The following NME7 variants were observed in gnomAD, a reference collection of about 807,000 sequenced individuals.
NME7 encodes the protein NME/NM23 family member 7, also known as nucleoside diphosphate kinase 7.
In NME7, 41 loss-of-function variants were observed where a neutral mutation model predicts 49.1. The ratio of observed to expected loss-of-function variants is 0.83; its 90% confidence interval spans 0.65 to 1.08. The LOEUF (loss-of-function observed/expected upper bound fraction) is 1.08. Ranked by LOEUF, NME7 falls within the 50% of genes least tolerant of loss-of-function variation. The pLI, the probability that NME7 is intolerant of heterozygous loss-of-function variation, is 0.00. For synonymous variants in NME7, 139 were observed against 150.6 expected, an observed-to-expected ratio of 0.92 and a Z score of 0.56; for missense variants, 423 against 463.4, an observed-to-expected ratio of 0.91 and a Z score of 0.80.
chr1:169,327,572 C>G (rs868104192), intron 1 of NME7, among the ~76,000 whole-genome samples: 2 of 152,108 alleles, frequency 1.3e-5, no homozygotes, highest in Admixed American at 1.3e-4. Context: ...ACAGAGAGAA[C>G]TTTCCTAGAG....
At chr1:169,347,169 C>T (rs1440893434) in intron 1 of NME7, among the ~76,000 whole-genome samples, 1 of 152,152 alleles carries the variant, frequency 6.6e-6, no homozygotes. Flanking sequence ...CCCTGCGCTC[C>T]AGCCTGACCG....
At position 169,259,499 on chromosome 1, in the gene NME7, A is replaced by G. The variant is rs1484555839; in HGVS notation, c.755-21812T>C. On this transcript the variant is annotated intron_variant, in intron 7 of 11. Transcript: ENST00000367811. ...GGAAGGAAGAAAATGCAACAATGTA[A>G]ACAGTTAGAATCTCTGGATGGTAGG... 3.0e-5 allele frequency among the ~76,000 whole-genome samples: 4 copies of G among 133,858 alleles called. 1 individual carries two copies. Among genetic ancestry groups the G allele is most frequent in the Non-Finnish European group, 7.0e-5 (4 of 56,968 alleles). The allele number at this position is 133,858 out of a possible 152,430, so 87.8% of individuals were successfully genotyped here.
At chr1:169,199,582 T>C (rs1660490603) in intron 10 of NME7, among the ~76,000 whole-genome samples, 1 of 151,484 alleles carries the variant, frequency 6.6e-6, no homozygotes, top group South Asian at 2.1e-4. Flanking sequence ...GCCTCCCAAG[T>C]AGCTGAGTCT....
chr1:169,235,161 T>G lies in NME7; in HGVS notation c.858A>C (p.Glu286Asp), dbSNP rs1647806976. ...ATTCGGTCACTACTCCTTTATAAAC[T>G]TCATAGAATTCCTCAACATTAACCC... ...MDRVNVEEFYEVYKGVVTEYH... is the reference protein window; with the variant it reads ...MDRVNVEEFYDVYKGVVTEYH... The change falls in exon 9 of 12, where the codon GAA becomes GAC. Residue 286 changes from glutamate (E) to aspartate (D), a missense_variant. Glu to Asp is a conservative substitution (Grantham distance 45, BLOSUM62 2). Coordinates refer to ENST00000367811, the MANE Select transcript of NME7 (RefSeq NM_013330.5). 2 of 1,549,128 alleles carry G rather than the reference T, an allele frequency of 1.3e-6. No homozygotes were observed. Among genetic ancestry groups the G allele is most frequent in the Admixed American group, 3.5e-5 (2 of 56,970 alleles).
At chr1:169,311,344 G>A (rs368985690) in intron 3 of NME7, among the ~76,000 whole-genome samples, 61 of 149,312 alleles carry the variant, frequency 4.1e-4, no homozygotes, top group Admixed American at 8.8e-4. Context: ...ATGTGAACCC[G>A]GGGGTCGGAG....
chr1:169,254,527 T>C (rs1648820705), intron 7 of NME7, among the ~76,000 whole-genome samples: 1 of 151,764 alleles, frequency 6.6e-6, no homozygotes, highest in African/African-American at 2.4e-5. Context: ...CCTGGATTCA[T>C]TAATTTTTTG....
chr1:169,348,579 T>A (rs1355094944), intron 1 of NME7, among the ~76,000 whole-genome samples: 2 of 152,034 alleles, frequency 1.3e-5, no homozygotes, highest in African/African-American at 4.8e-5. Context: ...ACTAATAAAA[T>A]CCATAAAGGA....
intron 10 of NME7, among the ~76,000 whole-genome samples, chr1:169,171,415 G>T (rs1659585122): frequency 6.6e-6 from 1 of 151,940 alleles, no homozygotes; most frequent in Non-Finnish European, 1.5e-5. Flanking sequence ...TTCATTAAAA[G>T]ATTACTTTCA....
At chr1:169,276,881 T>C (rs1357620935) in intron 7 of NME7, among the ~76,000 whole-genome samples, 4 of 148,756 alleles carry the variant, frequency 2.7e-5, no homozygotes, top group African/African-American at 7.3e-5. Flanking sequence ...GATTCTGGTA[T>C]GTTGTCTCTT....
intron 8 of NME7, among the ~76,000 whole-genome samples, chr1:169,236,593 T>C (rs1000339167): frequency 6.6e-6 from 1 of 152,170 alleles, no homozygotes; most frequent in African/African-American, 2.4e-5. Flanking sequence ...CTTGTTAATA[T>C]ATCACCAAGC....
chr1:169,247,400 T>C (rs1234934706), intron 7 of NME7, among the ~76,000 whole-genome samples: 1 of 152,208 alleles, frequency 6.6e-6, no homozygotes, highest in African/African-American at 2.4e-5. Context: ...AATGTCCCAT[T>C]AGAAGCCAAA....
At chr1:169,284,126 T>C (rs565154821) in intron 7 of NME7, 2 of 152,302 alleles carry the variant, frequency 1.3e-5, no homozygotes, top group East Asian at 3.9e-4. Flanking sequence ...CCCATATTTC[T>C]TGGAGGCTTT....
chr1:169,183,273 G>A (rs921754444), intron 10 of NME7, among the ~76,000 whole-genome samples: 4 of 152,132 alleles, frequency 2.6e-5, no homozygotes, highest in African/African-American at 9.7e-5. Flanking sequence ...AATATCCATA[G>A]CATAGAAAAG....
intron 7 of NME7, among the ~76,000 whole-genome samples, chr1:169,248,377 G>C (rs944046354): frequency 8.6e-5 from 13 of 151,808 alleles, no homozygotes; most frequent in African/African-American, 3.1e-4. Flanking sequence ...CTAGATATTA[G>C]TCCTTTGCTA....
intron 10 of NME7, among the ~76,000 whole-genome samples, chr1:169,181,028 C>A (rs1571269785): frequency 6.6e-6 from 1 of 152,210 alleles, no homozygotes; most frequent in African/African-American, 2.4e-5. Flanking sequence ...ATAATATCTG[C>A]AGTATTAACC....
chr1:169,188,400 C>T (rs1660132636), intron 10 of NME7, among the ~76,000 whole-genome samples: 1 of 152,150 alleles, frequency 6.6e-6, no homozygotes, highest in Non-Finnish European at 1.5e-5. Context: ...GCTTTGGAAA[C>T]TTGATTGTTC....
At chr1:169,223,063 A>C (rs918214824) in intron 10 of NME7, among the ~76,000 whole-genome samples, 2 of 152,158 alleles carry the variant, frequency 1.3e-5, no homozygotes, top group Non-Finnish European at 2.9e-5. Context: ...ATGTCTCTTC[A>C]GTGTTTTTCA....
At chr1:169,200,879 C>T (rs1163901012) in intron 10 of NME7, among the ~76,000 whole-genome samples, 1 of 152,128 alleles carries the variant, frequency 6.6e-6, no homozygotes. Flanking sequence ...TTTTCAATGG[C>T]AATCATCTGA....
chr1:169,178,071 C>A (rs1473800987), intron 10 of NME7, among the ~76,000 whole-genome samples: 1 of 152,056 alleles, frequency 6.6e-6, no homozygotes, highest in African/African-American at 2.4e-5. Flanking sequence ...GATCTCCTAA[C>A]CTCAGGATCT....
Sources: gnomAD v4.1 joint callset for allele counts (sites outside exome capture counted in the v4.1 genomes callset) on GRCh38, gnomAD v4.1.1 for gene constraint, MANE v1.5 for transcripts, NCBI Gene and HGNC (gene_info 2026-07-23, HGNC 2026-07-21) for gene names.